Variants in SPPL2A observed in about 807,000 individuals in gnomAD.
The protein encoded by SPPL2A is signal peptide peptidase like 2A, also known as signal peptide peptidase-like 2A.
In SPPL2A, 51 loss-of-function variants were observed where a neutral mutation model predicts 63.8. That is an observed-to-expected ratio of 0.80 (90% CI 0.64 to 1.01). The LOEUF is 1.01. Ranked by LOEUF, SPPL2A falls within the 50% of genes least tolerant of loss-of-function variation. SPPL2A has a pLI of 0.00. For synonymous variants in SPPL2A, 188 were observed against 205.8 expected (o/e 0.91, Z 0.74); for missense variants, 553 against 622.7 (o/e 0.89, Z 1.19).
intron 10 of SPPL2A, 69 bp downstream of exon 10, chr15:50,730,896 T>C: frequency 1.4e-6 from 1 of 699,686 alleles, no homozygotes; most frequent in South Asian, 1.6e-5. Flanking sequence ...AAATTAATAA[T>C]CTAGGAGCAG....
chr15:50,722,315 C>T (rs1235402836), intron 12 of SPPL2A, 114 bp from the exon 13 acceptor site: 1 of 586,780 alleles, frequency 1.7e-6, no homozygotes, highest in Non-Finnish European at 3.0e-6. Flanking sequence ...ATTATAAGAA[C>T]ATTCAAGTAC....
intron 14 of SPPL2A, among the ~76,000 whole-genome samples, chr15:50,717,968 GTT>G (rs57049574): frequency 1.1e-5 from 1 of 91,650 alleles, no homozygotes. Flanking sequence ...TGTAACTTTC[GTT>G]TTTTTTTTTT....
At chr15:50,717,932 G>C (rs948241106) in intron 14 of SPPL2A, among the ~76,000 whole-genome samples, 1 of 144,402 alleles carries the variant, frequency 6.9e-6, no homozygotes, top group Non-Finnish European at 1.5e-5. Context: ...TATTGTTAGT[G>C]ACTTTATGTC....
intron 5 of SPPL2A, among the ~76,000 whole-genome samples, chr15:50,745,317 A>G (rs1048334339): frequency 1.6e-4 from 24 of 151,734 alleles, no homozygotes; most frequent in Admixed American, 2.0e-4. Context: ...CACCTGTTTG[A>G]TTTTCGTACT....
chr15:50,741,591 C>T (rs1022582916), intron 5 of SPPL2A, among the ~76,000 whole-genome samples: 5 of 150,230 alleles, frequency 3.3e-5, no homozygotes, highest in Non-Finnish European at 7.5e-5. Flanking sequence ...AATTCAATAT[C>T]TATTCATAGT....
At chr15:50,726,273 A>G in intron 11 of SPPL2A, 48 bp downstream of exon 11, 1 of 1,573,686 alleles carries the variant, frequency 6.4e-7, no homozygotes, top group Non-Finnish European at 8.7e-7. Context: ...TTAACCGGAT[A>G]CACATACATA....
intron 1 of SPPL2A, among the ~76,000 whole-genome samples, chr15:50,757,008 C>A (rs1431753170): frequency 6.6e-6 from 1 of 152,078 alleles, no homozygotes; most frequent in Non-Finnish European, 1.5e-5. Flanking sequence ...TCCTTCCCTT[C>A]TACAATACTG....
At chr15:50,759,233 T>A (rs1355756770) in intron 1 of SPPL2A, among the ~76,000 whole-genome samples, 3 of 152,100 alleles carry the variant, frequency 2.0e-5, no homozygotes, top group African/African-American at 4.8e-5. Flanking sequence ...CCTTTTCTTA[T>A]AAATAAAGTT....
At chr15:50,712,913 T>C (rs2141018985) in intron 14 of SPPL2A, among the ~76,000 whole-genome samples, 1 of 152,188 alleles carries the variant, frequency 6.6e-6, no homozygotes, top group East Asian at 1.9e-4. Flanking sequence ...CTCAAACTCC[T>C]GACCTCGTGA....
chr15:50,708,103 C>T (rs2062525976), intron 14 of SPPL2A, among the ~76,000 whole-genome samples: 1 of 152,196 alleles, frequency 6.6e-6, no homozygotes, highest in Non-Finnish European at 1.5e-5. Flanking sequence ...AATTTGTGTT[C>T]TCTGGATCTT....
intron 1 of SPPL2A, among the ~76,000 whole-genome samples, chr15:50,751,917 C>T (rs930029761): frequency 2.0e-5 from 3 of 152,048 alleles, no homozygotes; most frequent in East Asian, 1.9e-4. Flanking sequence ...CTGCAACCTC[C>T]GCCTCCGGGG....
intron 5 of SPPL2A, among the ~76,000 whole-genome samples, chr15:50,741,359 TA>T (rs78300811): frequency 0.04 from 4,996 of 123,478 alleles, 100 homozygotes; most frequent in Middle Eastern, 0.13. Flanking sequence ...ATTTTAAAAA[TA>T]AAAAAAAAAA....
At chr15:50,754,093 G>A (rs1408061359) in intron 1 of SPPL2A, among the ~76,000 whole-genome samples, 3 of 152,100 alleles carry the variant, frequency 2.0e-5, no homozygotes, top group Admixed American at 6.6e-5. Flanking sequence ...CACCATGCCC[G>A]GACTTCTTTC....
chr15:50,706,605 A>C lies in SPPL2A; in HGVS notation c.*1195T>G, dbSNP rs1242045629. On this transcript the variant is annotated 3_prime_UTR_variant, in exon 15 of 15. Coordinates refer to ENST00000261854, the MANE Select transcript of SPPL2A (RefSeq NM_032802.4). The stretch of plus-strand genomic sequence containing the variant: ...AAGGGGTGGGCATCAGGAAGAAAAA[A>C]AGATAACGGGTGGGAGTGGGGGAAT... The C allele has an allele frequency of 6.6e-6, 1 of 152,052 alleles. No individual in the cohort carries two copies. The highest frequency in any genetic ancestry group is 6.6e-5 in the Admixed American group (1 of 15,242). 9.4% of individuals were successfully genotyped at this position (152,052 alleles called of 1,614,324 possible). A position where few individuals can be genotyped will look rare whatever the true frequency, so the allele number is the denominator to read the frequency against.
At position 50,736,198 on chromosome 15, in the gene SPPL2A, C is replaced by A; in HGVS notation, c.835G>T (p.Ala279Ser). 6.3e-7 allele frequency: 1 copy of A among 1,597,376 alleles called. No individual in the cohort carries two copies. Among genetic ancestry groups the A allele is most frequent in the Non-Finnish European group, 8.6e-7 (1 of 1,165,488 alleles). Residue 279 changes from alanine to serine, a missense_variant, in exon 8 of 15, where the codon GCA (alanine) becomes TCA (serine). Ala to Ser is a moderately conservative substitution (Grantham distance 99). Transcript: ENST00000261854. ...ACTTCCATGTTTTTGCCACGACATG[C>A]AATCCTAAAAAACAGATTAAAATAG... ...HKIPYGQCTI[A>S]CRGKNMEVRL...
chr15:50,729,123 T>C (rs966708361), intron 10 of SPPL2A, among the ~76,000 whole-genome samples: 1 of 152,040 alleles, frequency 6.6e-6, no homozygotes, highest in Non-Finnish European at 1.5e-5. Context: ...CTCTTAATTA[T>C]TGTATTTTTA....
At chr15:50,729,989 G>A (rs115862220) in intron 10 of SPPL2A, among the ~76,000 whole-genome samples, 3,188 of 91,438 alleles carry the variant, frequency 0.035, 53 homozygotes, top group East Asian at 0.064. Context: ...CTCAAGACTC[G>A]GCCTTTTAAA....
chr15:50,725,604 T>G, intron 11 of SPPL2A: 1 of 243,610 alleles, frequency 4.1e-6, no homozygotes, highest in Non-Finnish European at 8.0e-6. Context: ...CTAATTTTTC[T>G]GTTTTTAGTA....
At chr15:50,765,208 C>T (rs2063047380) in intron 1 of SPPL2A, among the ~76,000 whole-genome samples, 1 of 149,396 alleles carries the variant, frequency 6.7e-6, no homozygotes, top group South Asian at 2.1e-4. Context: ...GATCTTTTTG[C>T]GGTAGGTATT....
Sources: gnomAD v4.1 joint callset for allele counts (sites outside exome capture counted in the v4.1 genomes callset) on GRCh38, gnomAD v4.1.1 for gene constraint, MANE v1.5 for transcripts, NCBI Gene and HGNC (gene_info 2026-07-23, HGNC 2026-07-21) for gene names.